Variants in ARID5B observed in about 807,000 individuals in gnomAD.
The protein encoded by ARID5B is AT-rich interaction domain 5B.
Under a neutral mutation model 97.2 loss-of-function variants are expected in ARID5B, and 13 were observed. That is an observed-to-expected ratio of 0.13 (90% CI 0.09 to 0.21). The LOEUF (loss-of-function observed/expected upper bound fraction) is 0.21, where lower values mean the gene tolerates loss of function less well. Ranked by LOEUF, ARID5B falls within the 10% of genes least tolerant of loss-of-function variation. The pLI is 1.00. For missense variants in ARID5B, 1,210 were observed against 1,465.3 expected (o/e 0.83, Z 2.84); for synonymous variants, 556 against 570.3 (o/e 0.97, Z 0.36).
intron 4 of ARID5B, among the ~76,000 whole-genome samples, chr10:62,016,133 G>A (rs987812173): frequency 2.0e-5 from 3 of 152,176 alleles, no homozygotes; most frequent in African/African-American, 7.2e-5. Flanking sequence ...CTGTCCATAA[G>A]GCAAACTACA....
chr10:61,910,557 C>G (rs1245883832), intron 2 of ARID5B, among the ~76,000 whole-genome samples: 1 of 152,186 alleles, frequency 6.6e-6, no homozygotes, highest in East Asian at 1.9e-4. Flanking sequence ...ATTTTTCTGG[C>G]CACGCTGTGT....
At chr10:61,935,265 T>G (rs764793419) in intron 2 of ARID5B, among the ~76,000 whole-genome samples, 1 of 152,122 alleles carries the variant, frequency 6.6e-6, no homozygotes, top group Non-Finnish European at 1.5e-5. Context: ...CATGGAAATT[T>G]ATAGCAGCTC....
At chr10:61,952,683 C>G (rs566295200) in intron 3 of ARID5B, among the ~76,000 whole-genome samples, 1 of 152,266 alleles carries the variant, frequency 6.6e-6, no homozygotes, top group South Asian at 2.1e-4. Flanking sequence ...TTCATTGGTA[C>G]CCTGTAGAAG....
chr10:61,910,544 T>G (rs1037963599), intron 2 of ARID5B, among the ~76,000 whole-genome samples: 1 of 152,222 alleles, frequency 6.6e-6, no homozygotes, highest in Non-Finnish European at 1.5e-5. Flanking sequence ...AATCCAAGGA[T>G]GCATTTTTCT....
intron 4 of ARID5B, among the ~76,000 whole-genome samples, chr10:62,024,057 C>T (rs1338293112): frequency 5.9e-5 from 9 of 152,220 alleles, no homozygotes. Context: ...TGATAATCCT[C>T]TCAGCACAGA....
chr10:61,943,807 G>A (rs867283403), intron 3 of ARID5B, among the ~76,000 whole-genome samples: 11 of 150,416 alleles, frequency 7.3e-5, no homozygotes, highest in African/African-American at 2.7e-4. Context: ...TCCACAAAGA[G>A]AAACTCTGCC....
chr10:62,091,802 G>T lies in ARID5B; in HGVS notation c.2339G>T (p.Arg780Leu), dbSNP rs567464868. Residue 780 changes from arginine (R) to leucine (L), a missense_variant, in exon 10 of 10, where the codon CGA becomes CTA. Transcript: ENST00000279873. ...NDIFKHEKLS[R>L]SDPHRCSFSK... ...ATCTTTAAGCATGAGAAACTGAGTC[G>T]ATCAGATCCCCACCGCTGCAGCTTC... is the stretch of plus-strand genomic sequence containing the variant. 1 of 1,613,992 alleles carries T rather than the reference G, an allele frequency of 6.2e-7. No individual in the cohort carries two copies. The highest frequency in any genetic ancestry group is 8.5e-7 in the Non-Finnish European group (1 of 1,179,982).
chr10:62,000,299 C>A lies in ARID5B; in HGVS notation c.711C>A (p.Asn237Lys). ...DTFDHPTLIENESICDEFAPN... is the reference protein window; with the variant it reads ...DTFDHPTLIEKESICDEFAPN... ...TTGACCACCCGACTCTCATAGAAAA[C>A]GAGAGTATATGCGATGAGTTTGGTG... is the stretch of plus-strand genomic sequence containing the variant. Residue 237 changes from asparagine to lysine, a missense_variant, in exon 4 of 10, where the codon AAC becomes AAA. Physicochemically the swap from Asn to Lys is moderately conservative, Grantham distance 94 (BLOSUM62 0). Around this residue, in one of 8 missense-constraint regions of ARID5B, gnomAD observed 132 missense variants for 156.7 expected, o/e 0.84. Transcript: ENST00000279873. The surrounding 1 kb of genome is among the most constrained non-coding windows in gnomAD (Gnocchi z 4.4). The A allele has an allele frequency of 6.2e-7, 1 of 1,611,658 alleles. No individual in the cohort carries two copies.
intron 4 of ARID5B, among the ~76,000 whole-genome samples, chr10:62,041,799 G>A (rs969786518): frequency 7.2e-5 from 11 of 152,162 alleles, no homozygotes; most frequent in Admixed American, 2.0e-4. Context: ...CTGGAGAAAT[G>A]GCTGAACAAG....
At chr10:61,939,097 C>T (rs957481587) in intron 2 of ARID5B, among the ~76,000 whole-genome samples, 1 of 150,928 alleles carries the variant, frequency 6.6e-6, no homozygotes, top group Non-Finnish European at 1.5e-5. Flanking sequence ...GTTGTGAATT[C>T]CTTTTGTTTA....
At chr10:61,908,352 T>C (rs543625924) in intron 2 of ARID5B, among the ~76,000 whole-genome samples, 14 of 152,296 alleles carry the variant, frequency 9.2e-5, no homozygotes, top group Non-Finnish European at 1.6e-4. Context: ...GTAAAAGCAA[T>C]ATGAGTCACA....
intron 4 of ARID5B, among the ~76,000 whole-genome samples, chr10:62,035,647 T>C (rs1839553647): frequency 1.3e-5 from 2 of 152,184 alleles, no homozygotes; most frequent in South Asian, 4.2e-4. Context: ...TCTGCCACCA[T>C]GCCCAGCTAA....
At chr10:61,988,459 G>A (rs986297423) in intron 3 of ARID5B, among the ~76,000 whole-genome samples, 5 of 152,148 alleles carry the variant, frequency 3.3e-5, no homozygotes, top group Admixed American at 3.3e-4. Context: ...ATTTTACTTT[G>A]AATTGATTTT....
At chr10:62,008,088 A>G (rs1180998970) in intron 4 of ARID5B, among the ~76,000 whole-genome samples, 1 of 133,644 alleles carries the variant, frequency 7.5e-6, no homozygotes, top group Non-Finnish European at 1.5e-5. Context: ...ACACACACAC[A>G]CACACACACA....
chr10:62,077,054 G>T (rs1589287500), intron 8 of ARID5B, among the ~76,000 whole-genome samples: 1 of 152,030 alleles, frequency 6.6e-6, no homozygotes, highest in South Asian at 2.1e-4. Flanking sequence ...GACTGAGGTT[G>T]TACAGCTTCT....
intron 3 of ARID5B, among the ~76,000 whole-genome samples, chr10:61,960,270 TA>T (rs1198094929): frequency 2.6e-5 from 4 of 152,226 alleles, no homozygotes. Flanking sequence ...ATGTCTTCAG[TA>T]GTTACTTTCT....
intron 4 of ARID5B, among the ~76,000 whole-genome samples, chr10:62,014,778 T>C (rs1406158319): frequency 6.6e-6 from 1 of 152,112 alleles, no homozygotes; most frequent in African/African-American, 2.4e-5. Flanking sequence ...TCATAAAAAG[T>C]GCATGCAAAC....
intron 4 of ARID5B, among the ~76,000 whole-genome samples, chr10:62,039,610 G>A (rs972609614): frequency 2.6e-5 from 4 of 152,170 alleles, no homozygotes; most frequent in Non-Finnish European, 4.4e-5. Flanking sequence ...TTTGATTTTG[G>A]CTACTATAAC....
chr10:61,970,322 A>G (rs1838607775), intron 3 of ARID5B, among the ~76,000 whole-genome samples: 2 of 152,206 alleles, frequency 1.3e-5, no homozygotes, highest in Non-Finnish European at 2.9e-5. Context: ...ACCATAATCT[A>G]TGGGTAGATA....
Sources: allele counts gnomAD v4.1 joint callset (sites outside exome capture counted in the v4.1 genomes callset), GRCh38; gene constraint gnomAD v4.1.1; regional missense constraint gnomAD v4.1.1; non-coding constraint Gnocchi (gnomAD v3.1); transcripts MANE v1.5; gene names NCBI Gene and HGNC (gene_info 2026-07-23, HGNC 2026-07-21).